Variants in WDR91 observed in about 807,000 individuals in gnomAD.
The protein encoded by WDR91 is WD repeat domain 91.
Under a neutral mutation model 88.4 loss-of-function variants are expected in WDR91, and 52 were observed. The ratio of observed to expected loss-of-function variants is 0.59; its 90% CI spans 0.47 to 0.74. WDR91 has a LOEUF of 0.74. WDR91 is among the 30% of genes least tolerant of loss of function. WDR91 has a pLI of 0.00. For synonymous variants in WDR91, 362 were observed against 389.5 expected (o/e 0.93, Z 0.83); for missense variants, 824 against 954.5 (o/e 0.86, Z 1.80).
intron 11 of WDR91, 76 bp from the exon 12 acceptor site, chr7:135,189,528 G>A (rs934183685): frequency 1.6e-6 from 2 of 1,244,828 alleles, no homozygotes; most frequent in South Asian, 2.7e-5. Flanking sequence ...AATGCAGACA[G>A]GTGCCCCAGA....
At chr7:135,200,605 C>T (rs997654127) in intron 6 of WDR91, among the ~76,000 whole-genome samples, 1 of 152,326 alleles carries the variant, frequency 6.6e-6, no homozygotes, top group East Asian at 1.9e-4. Flanking sequence ...GATGAAATAA[C>T]TGTTCATTGA....
At chr7:135,201,936 G>A (rs147722810) in intron 6 of WDR91, 2 of 152,332 alleles carry the variant, frequency 1.3e-5, no homozygotes, top group East Asian at 3.9e-4. Context: ...CCCCAAAGCA[G>A]GGGGCCCAGG....
At chr7:135,189,983 C>G (rs1258131897) in intron 11 of WDR91, among the ~76,000 whole-genome samples, 1 of 152,100 alleles carries the variant, frequency 6.6e-6, no homozygotes, top group East Asian at 1.9e-4. Flanking sequence ...CTAAATAATC[C>G]TCCTGAAATT....
At chr7:135,193,905 G>T in intron 9 of WDR91, 1 of 522,082 alleles carries the variant, frequency 1.9e-6, no homozygotes, top group Non-Finnish European at 3.5e-6. Context: ...CTGTGGAATG[G>T]GAGAGACGCG....
intron 10 of WDR91, 71 bp downstream of exon 10, chr7:135,193,507 G>A (rs1235941106): frequency 1.2e-6 from 2 of 1,610,936 alleles, no homozygotes; most frequent in South Asian, 1.1e-5. Flanking sequence ...TTAGGCTTGG[G>A]AAAGGACCAG....
In WDR91 at chr7:135,205,955, T is replaced by C. The variant is rs148419307; in HGVS notation, c.698A>G (p.Asn233Ser). ...VQHKLPPYVS[N>S]MDRLGDSELA... ...TTCCGAGTCCCCCAGGCGGTCCATGTTGGAGACATAAGGAGGCAATTTGTG... is the reference window on the plus strand; with the variant it reads ...TTCCGAGTCCCCCAGGCGGTCCATGCTGGAGACATAAGGAGGCAATTTGTG... Residue 233 changes from asparagine (N) to serine (S), a missense_variant, in exon 5 of 15, where the codon AAC (asparagine) becomes AGC (serine). Coordinates refer to ENST00000354475, the MANE Select transcript of WDR91 (RefSeq NM_014149.4). The C allele has an allele frequency of 4.3e-6, 7 of 1,613,980 alleles. No homozygotes were observed. The highest frequency in any genetic ancestry group is 3.3e-5 in the Admixed American group (2 of 60,018).
chr7:135,192,309 G>A (rs1259746145), intron 11 of WDR91, among the ~76,000 whole-genome samples: 1 of 152,082 alleles, frequency 6.6e-6, no homozygotes, highest in African/African-American at 2.4e-5. Flanking sequence ...GTAGAGACAA[G>A]GGCTCACTAC....
At chr7:135,190,906 G>A (rs918032038) in intron 11 of WDR91, among the ~76,000 whole-genome samples, 182 of 152,252 alleles carry the variant, frequency 1.2e-3, no homozygotes, top group South Asian at 2.1e-4. Flanking sequence ...TCAGAGAACA[G>A]CAATACTGGA....
Position 135,206,005 on chromosome 7 carries a change from T to C in WDR91, c.648A>G (p.Pro216=), listed in dbSNP as rs375977204. The C allele has an allele frequency of 8.9e-5, 144 of 1,614,104 alleles. No individual in the cohort carries two copies. Among genetic ancestry groups the C allele is most frequent in the Non-Finnish European group, 1.1e-4 (131 of 1,180,038 alleles). The change falls in exon 5 of 15, where the codon CCA becomes CCG. Residue 216 remains proline (P), a synonymous_variant. Coordinates refer to ENST00000354475, the MANE Select transcript of WDR91 (RefSeq NM_014149.4). The stretch of plus-strand genomic sequence containing the variant: ...GTTGGACCAAGGCCTCTTCCTCTTC[T>C]GGCTGTTGCTCCTCTTTCTTCAGTC... ...IHRLKKEEQQ[P]EEEEALVQHK...
At chr7:135,202,950 A>C (rs1321621660) in intron 6 of WDR91, among the ~76,000 whole-genome samples, 1 of 152,214 alleles carries the variant, frequency 6.6e-6, no homozygotes, top group Non-Finnish European at 1.5e-5. Flanking sequence ...TCAGGTACCC[A>C]CGTGGGCCAG....
intron 6 of WDR91, chr7:135,198,789 G>A (rs1831466464): frequency 6.6e-6 from 1 of 152,240 alleles, no homozygotes; most frequent in Admixed American, 6.5e-5. Context: ...TAACAACAGT[G>A]ATAGGGTCAG....
intron 11 of WDR91, among the ~76,000 whole-genome samples, chr7:135,190,640 T>C (rs28541277): frequency 6.6e-6 from 1 of 151,472 alleles, no homozygotes; most frequent in Non-Finnish European, 1.5e-5. Flanking sequence ...AAAATATGGG[T>C]AAAAATGAGA....
Position 135,189,283 on chromosome 7 carries a change from C to CA in WDR91, c.1768+60dup, listed in dbSNP as rs201637622. On this transcript the variant is annotated intron_variant, in intron 12 of 14. Transcript: ENST00000354475. ...AGCTGGCAAAAAAATCCAACGTCGG[C>CA]AAAAAAAATTGCCTGGGAAATCTAA... The CA allele has an allele frequency of 6.2e-4, 937 of 1,518,748 alleles. 8 individuals carry two copies. In the African/African-American group the frequency reaches 0.01, roughly 17 times the overall value. The allele number at this position is 1,518,748 out of a possible 1,614,324, so 94.1% of individuals were successfully genotyped here. A position where few individuals can be genotyped will look rare whatever the true frequency, so the allele number is the denominator to read the frequency against.
Position 135,208,929 on chromosome 7 carries a change from A to T in WDR91, c.373T>A (p.Trp125Arg), listed in dbSNP as rs747221458. The change falls in exon 3 of 15, where the codon TGG becomes AGG. Residue 125 changes from tryptophan (W) to arginine (R), a missense_variant. Trp to Arg is a moderately radical substitution (Grantham distance 101). Transcript: ENST00000354475. Reference sequence around the variant, plus strand: ...AAGGGCAGGACAAACCAATCCTTCCACTCAGCCTGGTTCTGGAGTTCCGTG... The same window carrying T: ...AAGGGCAGGACAAACCAATCCTTCCTCTCAGCCTGGTTCTGGAGTTCCGTG... The part of the protein sequence containing the change: ...QATELQNQAE[W>R]KDWFVLPFLP... 1 of 1,614,150 alleles carries T rather than the reference A, an allele frequency of 6.2e-7. No individual in the cohort carries two copies. Among genetic ancestry groups the T allele is most frequent in the Non-Finnish European group, 8.5e-7 (1 of 1,180,008 alleles).
At chr7:135,197,167 CAG>C (rs935455416) in intron 7 of WDR91, 1 of 152,168 alleles carries the variant, frequency 6.6e-6, no homozygotes, top group African/African-American at 2.4e-5. Flanking sequence ...AAAAAAATAA[CAG>C]AGGAACTTCA....
intron 5 of WDR91, 144 bp downstream of exon 5, chr7:135,205,784 G>A: frequency 1.6e-6 from 2 of 1,218,590 alleles, no homozygotes; most frequent in East Asian, 2.4e-5. Context: ...AAGCTCTCAA[G>A]CAAGAGCAGT....
At chr7:135,205,368 A>C (rs1410419711) in intron 5 of WDR91, among the ~76,000 whole-genome samples, 1 of 152,230 alleles carries the variant, frequency 6.6e-6, no homozygotes, top group Non-Finnish European at 1.5e-5. Context: ...TAGAGCTGGC[A>C]GAGCTGTGCA....
rs985123978 is a variant in WDR91, at chr7:135,186,275, A to C, written c.2120T>G (p.Leu707Arg). ...GACCACAGGGGCTCGGTGGCCACCT[A>C]GGCTCAAGCAGCTCTCCAGAACCTT... ...DEKVLESCLSLGGHRAPVVTV... is the reference protein window; with the variant it reads ...DEKVLESCLSRGGHRAPVVTV... The change falls in exon 15 of 15, where the codon CTA (leucine) becomes CGA (arginine). Residue 707 changes from leucine to arginine, a missense_variant. Coordinates refer to ENST00000354475, the MANE Select transcript of WDR91 (RefSeq NM_014149.4). 9 of 1,612,808 alleles carry C rather than the reference A, an allele frequency of 5.6e-6. No homozygotes were observed. Among genetic ancestry groups the C allele is most frequent in the African/African-American group, 2.7e-5 (2 of 74,802 alleles).
chr7:135,189,744 C>A (rs979609002), intron 11 of WDR91, among the ~76,000 whole-genome samples: 2 of 152,188 alleles, frequency 1.3e-5, no homozygotes, highest in East Asian at 3.8e-4. Flanking sequence ...TACACTTCAC[C>A]CAGAATGCAT....
Sources: allele counts gnomAD v4.1 joint callset (sites outside exome capture counted in the v4.1 genomes callset), GRCh38; gene constraint gnomAD v4.1.1; transcripts MANE v1.5; gene names NCBI Gene and HGNC (gene_info 2026-07-23, HGNC 2026-07-21).